Variants in PLAC1 observed in about 807,000 individuals in gnomAD.
PLAC1 encodes placenta-specific protein 1.
For synonymous variants in PLAC1, 68 were observed against 62.1 expected, an observed-to-expected ratio of 1.09 and a Z score of -0.44; for missense variants, 136 against 163.2, an observed-to-expected ratio of 0.83 and a Z score of 0.91.
At chrX:134,764,176 T>A (rs1282115409) in intron 1 of PLAC1, 1 of 112,364 alleles carries the variant, frequency 8.9e-6, no homozygotes, top group Non-Finnish European at 1.9e-5. Flanking sequence ...AAATGGAACA[T>A]CAGTATCACA....
intron 2 of PLAC1, among the ~76,000 whole-genome samples, chrX:134,675,127 G>A (rs1025329592): frequency 8.9e-6 from 1 of 112,030 alleles, no homozygotes; most frequent in African/African-American, 3.3e-5. Flanking sequence ...GGATCAGTGG[G>A]CTTTGTTCTG....
At chrX:134,598,914 A>G (rs972299780) in intron 2 of PLAC1, among the ~76,000 whole-genome samples, 1 of 111,715 alleles carries the variant, frequency 9.0e-6, no homozygotes, top group Non-Finnish European at 1.9e-5. Flanking sequence ...TATTTGGAAT[A>G]TTTGGAGCTG....
intron 1 of PLAC1, among the ~76,000 whole-genome samples, chrX:134,638,446 T>G (rs2078293336): frequency 8.9e-6 from 1 of 112,695 alleles, no homozygotes. Flanking sequence ...AATAGTTCCA[T>G]GATGCAAGTA....
intron 2 of PLAC1, among the ~76,000 whole-genome samples, chrX:134,589,111 G>C (rs2078021663): frequency 9.0e-6 from 1 of 111,269 alleles, no homozygotes; most frequent in Admixed American, 9.5e-5. Flanking sequence ...TGGCAGGGAG[G>C]GCTCCAATGT....
At chrX:134,696,720 GT>G (rs1399975287) in intron 2 of PLAC1, among the ~76,000 whole-genome samples, 1 of 111,572 alleles carries the variant, frequency 9.0e-6, no homozygotes, top group Non-Finnish European at 1.9e-5. Flanking sequence ...CTTGTTCTAT[GT>G]TGTTCTGCTT....
chrX:134,570,098 C>G (rs1569373255), intron 2 of PLAC1, among the ~76,000 whole-genome samples: 1 of 111,668 alleles, frequency 9.0e-6, no homozygotes, highest in Non-Finnish European at 1.9e-5. Flanking sequence ...CCAAAGTGCT[C>G]GGATTACAGG....
At chrX:134,584,740 T>C in intron 2 of PLAC1, among the ~76,000 whole-genome samples, 1 of 111,717 alleles carries the variant, frequency 9.0e-6, no homozygotes, top group Non-Finnish European at 1.9e-5. Context: ...AAATATTTTA[T>C]TTGATGTGCT....
At chrX:134,705,709 A>C (rs752618964) in intron 2 of PLAC1, among the ~76,000 whole-genome samples, 6 of 111,786 alleles carry the variant, frequency 5.4e-5, no homozygotes, top group Non-Finnish European at 7.5e-5. Context: ...AACCATTTCC[A>C]TTCACTGAAT....
At chrX:134,617,858 T>G (rs2078192200) in intron 1 of PLAC1, among the ~76,000 whole-genome samples, 1 of 112,319 alleles carries the variant, frequency 8.9e-6, no homozygotes. Flanking sequence ...GAATTTTACT[T>G]ATTTACAAAC....
chrX:134,741,157 A>C (rs1285288442), intron 1 of PLAC1, among the ~76,000 whole-genome samples: 1 of 112,283 alleles, frequency 8.9e-6, no homozygotes, highest in Non-Finnish European at 1.9e-5. Context: ...TTATTTTAAA[A>C]AATCTATGAT....
intron 2 of PLAC1, among the ~76,000 whole-genome samples, chrX:134,574,990 C>G (rs889715075): frequency 3.6e-5 from 4 of 111,586 alleles, no homozygotes; most frequent in African/African-American, 1.3e-4. Context: ...TACACATCCA[C>G]TCCCAGTTCC....
chrX:134,643,584 T>C (rs973651945), intron 1 of PLAC1, among the ~76,000 whole-genome samples: 1 of 111,665 alleles, frequency 9.0e-6, no homozygotes, highest in South Asian at 3.7e-4. Flanking sequence ...GGTTCACCAT[T>C]AGAAAATATA....
chrX:134,567,802 G>C (rs60040748), intron 2 of PLAC1, among the ~76,000 whole-genome samples: 6 of 84,366 alleles, frequency 7.1e-5, no homozygotes, highest in Non-Finnish European at 1.2e-4. Context: ...AGGAAAGAAA[G>C]AGAGAGAGAG....
At chrX:134,623,318 C>T (rs147124926) in intron 1 of PLAC1, among the ~76,000 whole-genome samples, 1,434 of 111,965 alleles carry the variant, frequency 0.013, 22 homozygotes, top group African/African-American at 0.044. Context: ...GTCTTGGACA[C>T]AAGAGGGAGG....
At chrX:134,679,392 A>G (rs764566087) in intron 2 of PLAC1, among the ~76,000 whole-genome samples, 7 of 111,100 alleles carry the variant, frequency 6.3e-5, no homozygotes, top group Non-Finnish European at 1.1e-4. Flanking sequence ...GTTGGATGAT[A>G]TCACCATTGG....
chrX:134,763,166 C>T (rs2078774666), intron 1 of PLAC1, among the ~76,000 whole-genome samples: 1 of 111,504 alleles, frequency 9.0e-6, no homozygotes, highest in East Asian at 2.8e-4. Context: ...CCTCTTCCTC[C>T]CCGCATCCCA....
At chrX:134,759,890 A>T (rs1385730237) in intron 1 of PLAC1, among the ~76,000 whole-genome samples, 11 of 111,751 alleles carry the variant, frequency 9.8e-5, no homozygotes, top group African/African-American at 3.3e-4. Flanking sequence ...TAGAGAGTGG[A>T]CAGACAGATA....
At chrX:134,732,110 T>A (rs1331233272) in intron 2 of PLAC1, among the ~76,000 whole-genome samples, 1 of 110,906 alleles carries the variant, frequency 9.0e-6, no homozygotes, top group Non-Finnish European at 1.9e-5. Flanking sequence ...GTAAGGGGAG[T>A]TGTGCAGATG....
At chrX:134,756,335 T>C (rs933328601) in intron 1 of PLAC1, among the ~76,000 whole-genome samples, 4 of 108,449 alleles carry the variant, frequency 3.7e-5, no homozygotes, top group Admixed American at 9.8e-5. Flanking sequence ...TTCTAGTGCC[T>C]ATATGTTTTT....
Sources: gnomAD v4.1 joint callset for allele counts (sites outside exome capture counted in the v4.1 genomes callset) on GRCh38, gnomAD v4.1.1 for gene constraint, MANE v1.5 for transcripts, NCBI Gene and HGNC (gene_info 2026-07-23, HGNC 2026-07-21) for gene names.